Variants in OPCML observed in about 807,000 individuals in gnomAD.
OPCML encodes opioid-binding protein/cell adhesion molecule.
A neutral mutation model predicts 37.8 loss-of-function variants in OPCML; 13 were observed. The ratio of observed to expected loss-of-function variants is 0.34; its 90% confidence interval spans 0.22 to 0.55. The LOEUF (loss-of-function observed/expected upper bound fraction) is 0.55. Ranked by LOEUF, OPCML falls within the 20% of genes least tolerant of loss-of-function variation. OPCML has a pLI of 0.91. For missense variants in OPCML, 341 were observed against 435.6 expected (o/e 0.78, Z 1.93); for synonymous variants, 176 against 168.8 (o/e 1.04, Z -0.33).
chr11:133,390,077 T>C (rs890359536), intron 1 of OPCML, among the ~76,000 whole-genome samples: 4 of 152,226 alleles, frequency 2.6e-5, no homozygotes, highest in African/African-American at 7.2e-5. Context: ...ACTGCTTACA[T>C]TGAGAATTTC....
At chr11:132,596,113 A>T (rs1337678765) in intron 3 of OPCML, among the ~76,000 whole-genome samples, 1 of 152,186 alleles carries the variant, frequency 6.6e-6, no homozygotes, top group Non-Finnish European at 1.5e-5. Context: ...CACATACATG[A>T]CATAATCATG....
chr11:132,937,478 CAGAGAGAG>C (rs35025482), intron 2 of OPCML, among the ~76,000 whole-genome samples: 2 of 149,346 alleles, frequency 1.3e-5, no homozygotes, highest in Non-Finnish European at 3.0e-5. Flanking sequence ...AACAGGGGGA[CAGAGAGAG>C]AGAGAGAGAG....
At chr11:132,808,313 C>G (rs993260181) in intron 2 of OPCML, among the ~76,000 whole-genome samples, 1 of 152,194 alleles carries the variant, frequency 6.6e-6, no homozygotes, top group Non-Finnish European at 1.5e-5. Flanking sequence ...TGTCTTGATG[C>G]GCAGTGTGAG....
At chr11:133,421,070 T>C (rs1355080552) in intron 1 of OPCML, 1 of 985,288 alleles carries the variant, frequency 1.0e-6, no homozygotes, top group Non-Finnish European at 1.2e-6. Context: ...CAGTAGATTA[T>C]TGGAGGGCAA....
At chr11:133,083,517 G>T (rs1336097907) in intron 1 of OPCML, among the ~76,000 whole-genome samples, 2 of 152,240 alleles carry the variant, frequency 1.3e-5, no homozygotes, top group Non-Finnish European at 2.9e-5. Flanking sequence ...CATCCAGCGT[G>T]CCTGCTCCCA....
chr11:133,219,919 C>T lies in OPCML; in HGVS notation c.62-276909G>A, dbSNP rs185053176. On this transcript the variant is annotated intron_variant, in intron 1 of 7. Transcript: ENST00000524381. Reference sequence around the variant, plus strand: ...AGTATAAAACTTAAAATGCCAGTGGCGCTAAGATTGAGAAACTGCTCACTG... The same window carrying T: ...AGTATAAAACTTAAAATGCCAGTGGTGCTAAGATTGAGAAACTGCTCACTG... Among the ~76,000 whole-genome samples, 12 of 152,300 alleles carry T rather than the reference C, an allele frequency of 7.9e-5. No individual in the cohort carries two copies. The East Asian group carries it at 1.4e-3, about 17-fold the overall frequency.
chr11:132,828,449 C>T (rs1008168239), intron 2 of OPCML, among the ~76,000 whole-genome samples: 15 of 151,914 alleles, frequency 9.9e-5, no homozygotes, highest in African/African-American at 3.1e-4. Context: ...TGAACCATAC[C>T]GATGCAGAAT....
chr11:133,037,821 C>T (rs569214694), intron 1 of OPCML, among the ~76,000 whole-genome samples: 6 of 152,308 alleles, frequency 3.9e-5, no homozygotes, highest in Non-Finnish European at 8.8e-5. Context: ...AGGGCCAAGA[C>T]TTTAAATGGT....
intron 2 of OPCML, chr11:132,772,259 C>A (rs1946664704): frequency 6.6e-6 from 1 of 152,114 alleles, no homozygotes; most frequent in Admixed American, 6.5e-5. Flanking sequence ...ACCTTGCTAC[C>A]AAAGCTCTCA....
chr11:132,599,559 C>T (rs1002022074), intron 3 of OPCML, among the ~76,000 whole-genome samples: 1 of 152,248 alleles, frequency 6.6e-6, no homozygotes, highest in Middle Eastern at 3.4e-3. Flanking sequence ...ATGGCAGGCT[C>T]ACATCTCACA....
chr11:132,661,116 G>GCC (rs1279394404), intron 2 of OPCML, among the ~76,000 whole-genome samples: 7 of 152,086 alleles, frequency 4.6e-5, no homozygotes, highest in African/African-American at 1.7e-4. Flanking sequence ...CATTGCCCTA[G>GCC]CCACACAGCC....
chr11:132,793,198 G>A (rs1461496629), intron 2 of OPCML, among the ~76,000 whole-genome samples: 2 of 152,160 alleles, frequency 1.3e-5, no homozygotes, highest in African/African-American at 4.8e-5. Flanking sequence ...CTGACCCAGT[G>A]CTGCCCTTCC....
intron 1 of OPCML, among the ~76,000 whole-genome samples, chr11:133,150,750 T>A (rs7130004): frequency 2.0e-5 from 3 of 151,708 alleles, no homozygotes; most frequent in Admixed American, 6.6e-5. Context: ...CCTGCAGGAA[T>A]CTCTCTAATG....
At chr11:133,501,097 C>T (rs942457090) in intron 1 of OPCML, among the ~76,000 whole-genome samples, 1 of 152,128 alleles carries the variant, frequency 6.6e-6, no homozygotes, top group African/African-American at 2.4e-5. Flanking sequence ...GCTCCAATCT[C>T]CCCCTGCTCC....
chr11:132,858,058 G>A (rs563395742), intron 2 of OPCML, among the ~76,000 whole-genome samples: 10 of 152,246 alleles, frequency 6.6e-5, no homozygotes, highest in African/African-American at 1.2e-4. Context: ...GACAGAAGTC[G>A]GCGGTTTCTC....
intron 1 of OPCML, among the ~76,000 whole-genome samples, chr11:133,344,062 C>A (rs1262918103): frequency 1.3e-5 from 2 of 152,204 alleles, no homozygotes; most frequent in Non-Finnish European, 2.9e-5. Flanking sequence ...AGGTGCGCTG[C>A]AGACTCTCCA....
At chr11:132,435,074 G>C in intron 7 of OPCML, 1 of 720,680 alleles carries the variant, frequency 1.4e-6, no homozygotes, top group South Asian at 1.4e-5. Context: ...AGGTGAAGCA[G>C]GCAAGCCTAT....
chr11:132,793,805 T>C (rs1285898552), intron 2 of OPCML, among the ~76,000 whole-genome samples: 1 of 152,186 alleles, frequency 6.6e-6, no homozygotes, highest in Non-Finnish European at 1.5e-5. Context: ...CATCTCCTGC[T>C]GAGTTCGCAC....
intron 1 of OPCML, chr11:133,117,684 C>A: frequency 3.2e-6 from 2 of 618,406 alleles, no homozygotes; most frequent in Non-Finnish European, 4.0e-6. Context: ...TCAGAGTGAC[C>A]AGTTTGGTAA....
Sources: allele counts gnomAD v4.1 joint callset (sites outside exome capture counted in the v4.1 genomes callset), GRCh38; gene constraint gnomAD v4.1.1; transcripts MANE v1.5; gene names NCBI Gene and HGNC (gene_info 2026-07-23, HGNC 2026-07-21).